ZNF778: variants seen among roughly 807,000 people sequenced by gnomAD.
The protein encoded by ZNF778 is zinc finger protein 778.
Under a neutral mutation model 23.9 loss-of-function variants are expected in ZNF778, and 37 were observed. The observed-to-expected ratio is 1.54, with a 90% CI of 1.19 to 2.03. The LOEUF is 2.03. Among genes scored for constraint, ZNF778 ranks in the 30% most tolerant of loss-of-function variants. The probability of loss-of-function intolerance (pLI) is 0.00; values close to 1 mark genes in which losing one functional copy is unlikely to be tolerated. For synonymous variants in ZNF778, 483 were observed against 343.9 expected (o/e 1.40, Z -4.48); for missense variants, 1,297 against 934.4 (o/e 1.39, Z -5.06).
chr16:89,223,915 C>T (rs113738878), intron 4 of ZNF778, among the ~76,000 whole-genome samples: 11 of 152,020 alleles, frequency 7.2e-5, no homozygotes, highest in African/African-American at 2.7e-4. Context: ...CGCGGTGGCT[C>T]ATGCCTGTAA....
chr16:89,227,624 G>A lies in ZNF778; in HGVS notation c.1336G>A (p.Glu446Lys), dbSNP rs573000338. The part of the protein sequence containing the change: ...LTRHVRTHTG[E>K]KPYTCKDCGK... The stretch of plus-strand genomic sequence containing the variant: ...TAGACACGTACGAACACACACGGGC[G>A]AGAAGCCATACACGTGTAAGGACTG... The change falls in exon 7 of 7, where the codon GAG (glutamate) becomes AAG (lysine). Residue 446 changes from glutamate (E) to lysine (K), a missense_variant. Coordinates refer to ENST00000433976, the MANE Select transcript of ZNF778 (RefSeq NM_001201407.2). The A allele has an allele frequency of 6.8e-6, 11 of 1,614,032 alleles. No individual in the cohort carries two copies. The highest frequency in any genetic ancestry group is 5.0e-5 in the Admixed American group (3 of 60,012).
At position 89,223,197 on chromosome 16, in the gene ZNF778, A is replaced by G; in HGVS notation, c.158A>G (p.Gln53Arg). ...GACGACGTGGCTGTGGACTTCACCC[A>G]GGAGGAATGGACTTTACTGGACCCA... ...TFDDVAVDFT[Q>R]EEWTLLDPSQ... The change falls in exon 4 of 7, where the codon CAG becomes CGG. Residue 53 changes from glutamine (Q) to arginine (R), a missense_variant. Transcript: ENST00000433976. 6.2e-7 allele frequency: 1 copy of G among 1,614,106 alleles called. No homozygotes were observed. Among genetic ancestry groups the G allele is most frequent in the Non-Finnish European group, 8.5e-7 (1 of 1,180,002 alleles).
intron 4 of ZNF778, 106 bp downstream of exon 4, chr16:89,223,389 G>A: frequency 6.7e-7 from 1 of 1,498,510 alleles, no homozygotes; most frequent in Admixed American, 1.9e-5. Flanking sequence ...CGGGAAGTAA[G>A]AGATATAACA....
intron 6 of ZNF778, 116 bp from the exon 7 acceptor site, chr16:89,226,578 A>G: frequency 1.2e-6 from 1 of 850,726 alleles, no homozygotes; most frequent in Non-Finnish European, 1.8e-6. Flanking sequence ...AGCTGCTTGC[A>G]TGTTATGAAA....
At position 89,233,335 on chromosome 16, in the gene ZNF778, ATGCAACTCAGCTCG is replaced by A. The variant is rs756159515; in HGVS notation, c.*4774_*4787del. On this transcript the variant is annotated 3_prime_UTR_variant, in exon 7 of 7. Transcript: ENST00000433976. ...GTATGCAACTCAGCTCGCTCTGCGT[ATGCAACTCAGCTCG>A]CACTGCGTATGCAACTCGCACTGCG... 42 of 1,285,356 alleles carry A rather than the reference ATGCAACTCAGCTCG, an allele frequency of 3.3e-5. 2 individuals carry two copies. In the African/African-American group the frequency reaches 6.7e-4, roughly 20 times the overall value. The allele number at this position is 1,285,356 out of a possible 1,614,324, so 79.6% of individuals were successfully genotyped here. A position where few individuals can be genotyped will look rare whatever the true frequency, so the allele number is the denominator to read the frequency against.
chr16:89,226,645 T>C (rs1357601718), intron 6 of ZNF778, 49 bp from the exon 7 acceptor site: 3 of 1,505,476 alleles, frequency 2.0e-6, no homozygotes, highest in Non-Finnish European at 2.7e-6. Flanking sequence ...GTGAGATCTA[T>C]GAATCAGCCT....
At chr16:89,222,946 C>T (rs878928884) in intron 3 of ZNF778, among the ~76,000 whole-genome samples, 1 of 118,980 alleles carries the variant, frequency 8.4e-6, no homozygotes, top group Admixed American at 9.8e-5. Flanking sequence ...ACAGGGCACG[C>T]GTGACTGGAG....
Position 89,224,813 on chromosome 16 carries a change from A to C in ZNF778, c.328+11A>C. 3.0e-6 allele frequency: 4 copies of C among 1,354,794 alleles called. No homozygotes were observed. The highest frequency in any genetic ancestry group is 4.0e-6 in the Non-Finnish European group (4 of 990,762). 83.9% of individuals were successfully genotyped at this position (1,354,794 alleles called of 1,614,324 possible). ...GAGCAGTTCTCCAAGGTAAGTGTGAAGAGCACGCCTGGTCGATGTCAAGTT... is the reference window on the plus strand; with the variant it reads ...GAGCAGTTCTCCAAGGTAAGTGTGACGAGCACGCCTGGTCGATGTCAAGTT... On this transcript the variant is annotated intron_variant, in intron 5 of 6. Transcript: ENST00000433976.
intron 6 of ZNF778, among the ~76,000 whole-genome samples, chr16:89,226,113 T>G (rs2031453569): frequency 6.6e-6 from 1 of 151,522 alleles, no homozygotes; most frequent in African/African-American, 2.4e-5. Context: ...GGTTTCACCA[T>G]GTTGGCCAGG....
At position 89,221,112 on chromosome 16, in the gene ZNF778, C is replaced by G; in HGVS notation, c.-16C>G. On this transcript the variant is annotated 5_prime_UTR_variant, in exon 2 of 7. Transcript: ENST00000433976. ...TCAGGAAAGGAGCATTCAGACGCTT[C>G]CGTCAGCCTCCCAGGATGGCAGCCC... 6.4e-7 allele frequency: 1 copy of G among 1,566,186 alleles called. No homozygotes were observed.
chr16:89,220,352 A>C (rs2030801264), intron 1 of ZNF778, among the ~76,000 whole-genome samples: 1 of 152,198 alleles, frequency 6.6e-6, no homozygotes. Context: ...CCGCAGACTC[A>C]GGAGTACAAA....
At position 89,232,428 on chromosome 16, in the gene ZNF778, C is replaced by G. The variant is rs900035623; in HGVS notation, c.*3866C>G. The G allele has an allele frequency of 3.0e-6, 1 of 333,828 alleles. No homozygotes were observed. Among genetic ancestry groups the G allele is most frequent in the African/African-American group, 2.2e-5 (1 of 46,440 alleles). 20.7% of individuals were successfully genotyped at this position (333,828 alleles called of 1,614,324 possible). On this transcript the variant is annotated 3_prime_UTR_variant, in exon 7 of 7. Coordinates refer to ENST00000433976, the MANE Select transcript of ZNF778 (RefSeq NM_001201407.2). ...AGCCTCAGATATGTAGCAACACAGA[C>G]AGACTAAGACACCAAGCATGATGGA...
rs957950770 is a variant in ZNF778, at chr16:89,228,625, C to T, written c.*63C>T. On this transcript the variant is annotated 3_prime_UTR_variant, in exon 7 of 7. Transcript: ENST00000433976. ...CACGTTGAAGACATGAAAGACCTCT[C>T]GTTCTCCAGATGTCCATGACTTGAG... 17 of 1,521,000 alleles carry T rather than the reference C, an allele frequency of 1.1e-5. No individual in the cohort carries two copies. The highest frequency in any genetic ancestry group is 6.8e-5 in the Admixed American group (3 of 44,150). The allele number at this position is 1,521,000 out of a possible 1,614,324, so 94.2% of individuals were successfully genotyped here. A position where few individuals can be genotyped will look rare whatever the true frequency, so the allele number is the denominator to read the frequency against.
chr16:89,223,325 A>G, intron 4 of ZNF778, 42 bp downstream of exon 4: 1 of 1,611,840 alleles, frequency 6.2e-7, no homozygotes. Context: ...TGGAACCAAT[A>G]CTTGATGTGT....
At chr16:89,223,068 C>A (rs1045235437) in intron 3 of ZNF778, 89 bp from the exon 4 acceptor site, 17 of 1,485,010 alleles carry the variant, frequency 1.1e-5, no homozygotes, top group Non-Finnish European at 1.4e-5. Context: ...GCCTCACAGT[C>A]CCATAGGCGT....
Position 89,237,043 on chromosome 16 carries a change from AG to A in ZNF778, c.*8482del, listed in dbSNP as rs1296186112. On this transcript the variant is annotated 3_prime_UTR_variant, in exon 7 of 7. Coordinates refer to ENST00000433976, the MANE Select transcript of ZNF778 (RefSeq NM_001201407.2). ...AGTCGAGATTGTGCCACGGCACTCC[AG>A]CCTGGGTGACAGAGCAAGACTCTGT... The A allele has an allele frequency of 4.0e-5, 6 of 149,986 alleles. No homozygotes were observed. Among genetic ancestry groups the A allele is most frequent in the African/African-American group, 1.5e-4 (6 of 40,512 alleles). 9.3% of individuals were successfully genotyped at this position (149,986 alleles called of 1,614,324 possible).
chr16:89,233,947 C>G lies in ZNF778; in HGVS notation c.*5385C>G. On this transcript the variant is annotated 3_prime_UTR_variant, in exon 7 of 7. Coordinates refer to ENST00000433976, the MANE Select transcript of ZNF778 (RefSeq NM_001201407.2). ...CAGGACATGCTGTATGCCCTTGGGC[C>G]TGCTGGAAGTATGCAGACTAGCCAG... 1.6e-6 allele frequency: 2 copies of G among 1,283,870 alleles called. No homozygotes were observed. Among genetic ancestry groups the G allele is most frequent in the Non-Finnish European group, 2.0e-6 (2 of 983,778 alleles). 79.5% of individuals were successfully genotyped at this position (1,283,870 alleles called of 1,614,324 possible).
Position 89,221,080 on chromosome 16 carries a change from C to G in ZNF778, c.-48C>G. 1.9e-6 allele frequency: 3 copies of G among 1,557,106 alleles called. No individual in the cohort carries two copies. Among genetic ancestry groups the G allele is most frequent in the Non-Finnish European group, 2.6e-6 (3 of 1,150,056 alleles). Reference sequence around the variant, plus strand: ...GATTCACAAGCTGCCCTGCAGTGGCCTTGGCTTCAGGAAAGGAGCATTCAG... The same window carrying G: ...GATTCACAAGCTGCCCTGCAGTGGCGTTGGCTTCAGGAAAGGAGCATTCAG... On this transcript the variant is annotated 5_prime_UTR_variant, in exon 2 of 7. Coordinates refer to ENST00000433976, the MANE Select transcript of ZNF778 (RefSeq NM_001201407.2).
At position 89,229,399 on chromosome 16, in the gene ZNF778, A is replaced by T. The variant is rs1044036996; in HGVS notation, c.*837A>T. ...TCTGGTTGGTTAGTCTTGAGGATCC[A>T]GATGTGATTCTGTGAGCAGTGTAGG... is the stretch of plus-strand genomic sequence containing the variant. On this transcript the variant is annotated 3_prime_UTR_variant, in exon 7 of 7. Transcript: ENST00000433976. The T allele has an allele frequency of 2.0e-6, 2 of 984,436 alleles. No individual in the cohort carries two copies. Among genetic ancestry groups the T allele is most frequent in the African/African-American group, 3.5e-5 (2 of 56,688 alleles). 61.0% of individuals were successfully genotyped at this position (984,436 alleles called of 1,614,324 possible).
Sources: gnomAD v4.1 joint callset for allele counts (sites outside exome capture counted in the v4.1 genomes callset) on GRCh38, gnomAD v4.1.1 for gene constraint, MANE v1.5 for transcripts, NCBI Gene and HGNC (gene_info 2026-07-23, HGNC 2026-07-21) for gene names.